ADAD1: variants seen among roughly 807,000 people sequenced by gnomAD.
ADAD1 encodes adenosine deaminase domain containing 1, also known as adenosine deaminase domain-containing protein 1.
Under a neutral mutation model 66.8 loss-of-function variants are expected in ADAD1, and 46 were observed. The ratio of observed to expected loss-of-function variants is 0.69; its 90% CI spans 0.54 to 0.88. ADAD1 has a LOEUF of 0.88. ADAD1 is among the 40% of genes least tolerant of loss of function. ADAD1 has a pLI of 0.00. For synonymous variants in ADAD1, 248 were observed against 229.4 expected (o/e 1.08, Z -0.73); for missense variants, 617 against 681.8 (o/e 0.91, Z 1.06).
chr4:122,379,927 G>A (rs1273828427), intron 2 of ADAD1, 135 bp from the exon 3 acceptor site: 6 of 829,248 alleles, frequency 7.2e-6, no homozygotes, highest in South Asian at 1.8e-5. Flanking sequence ...CAGTTCAAGA[G>A]GGATTTGACT....
intron 5 of ADAD1, among the ~76,000 whole-genome samples, chr4:122,390,656 C>T (rs1440980674): frequency 1.3e-5 from 2 of 152,172 alleles, no homozygotes; most frequent in Non-Finnish European, 2.9e-5. Context: ...GCTGTTGATA[C>T]TTGTGTATGC....
At chr4:122,384,779 A>G (rs1476661105) in intron 5 of ADAD1, among the ~76,000 whole-genome samples, 1 of 152,162 alleles carries the variant, frequency 6.6e-6, no homozygotes, top group African/African-American at 2.4e-5. Flanking sequence ...AGTTTCTAAA[A>G]CATTTATTTT....
chr4:122,408,426 C>A (rs1171083892), intron 8 of ADAD1, among the ~76,000 whole-genome samples: 1 of 152,220 alleles, frequency 6.6e-6, no homozygotes, highest in East Asian at 1.9e-4. Context: ...CAGGCATGCG[C>A]CAACACACCC....
chr4:122,396,215 C>A, intron 6 of ADAD1, 37 bp from the exon 7 acceptor site: 1 of 1,530,516 alleles, frequency 6.5e-7, no homozygotes. Context: ...AGGAGGAGCA[C>A]AATGTTCTTG....
intron 7 of ADAD1, 77 bp downstream of exon 7, chr4:122,396,454 G>C (rs1795720967): frequency 8.2e-7 from 1 of 1,225,906 alleles, no homozygotes; most frequent in Non-Finnish European, 1.1e-6. Flanking sequence ...CTTTGCCCCT[G>C]TACACAATGG....
chr4:122,379,875 A>C (rs865875391), intron 2 of ADAD1, among the ~76,000 whole-genome samples, 187 bp from the exon 3 acceptor site: 11 of 152,196 alleles, frequency 7.2e-5, no homozygotes, highest in Middle Eastern at 3.4e-3. Context: ...TCAGGAGAGA[A>C]GAGGTCCGTG....
chr4:122,418,299 TTA>T (rs1467108571), intron 11 of ADAD1, among the ~76,000 whole-genome samples: 2 of 137,936 alleles, frequency 1.4e-5, no homozygotes, highest in East Asian at 4.3e-4. Flanking sequence ...AATATAAACG[TTA>T]TTTTCTTTTT....
At chr4:122,423,530 A>G (rs1403538721) in intron 12 of ADAD1, among the ~76,000 whole-genome samples, 2 of 152,192 alleles carry the variant, frequency 1.3e-5, no homozygotes, top group Non-Finnish European at 2.9e-5. Flanking sequence ...AAGATGGTAG[A>G]AGTTTTACAA....
intron 7 of ADAD1, among the ~76,000 whole-genome samples, chr4:122,402,559 A>G (rs1452990437): frequency 6.6e-6 from 1 of 152,102 alleles, no homozygotes; most frequent in Non-Finnish European, 1.5e-5. Flanking sequence ...AGGCCTGTGA[A>G]GTTTTCCTAA....
intron 7 of ADAD1, among the ~76,000 whole-genome samples, chr4:122,406,134 A>C (rs1480102902): frequency 6.6e-6 from 1 of 152,124 alleles, no homozygotes; most frequent in African/African-American, 2.4e-5. Flanking sequence ...TTATATTTTT[A>C]TTTTGTTGAG....
rs1309710799 is a variant in ADAD1 at position 122,412,692 on chromosome 4, A to G, written c.1132A>G (p.Asn378Asp). 8 of 1,613,904 alleles carry G rather than the reference A, an allele frequency of 5.0e-6. No individual in the cohort carries two copies. The highest frequency in any genetic ancestry group is 1.7e-5 in the Admixed American group (1 of 60,002). The change falls in exon 10 of 13, where the codon AAT becomes GAT. Residue 378 changes from asparagine (N) to aspartate (D), a missense_variant. Coordinates refer to ENST00000296513, the MANE Select transcript of ADAD1 (RefSeq NM_139243.4). ...LTVYCPKDGV[N>D]RISSMSSSDK... ...TGTTTACTGTCCTAAAGATGGTGTT[A>G]ATAGAATAAGCAGTATGTCCTCAAG...
At chr4:122,386,888 G>A (rs745883475) in intron 5 of ADAD1, among the ~76,000 whole-genome samples, 1 of 152,096 alleles carries the variant, frequency 6.6e-6, no homozygotes, top group African/African-American at 2.4e-5. Flanking sequence ...CTGCTCCAAT[G>A]GTCTACATGT....
chr4:122,428,567 A>G (rs1017046071), intron 12 of ADAD1, among the ~76,000 whole-genome samples: 7 of 152,254 alleles, frequency 4.6e-5, no homozygotes, highest in Admixed American at 1.3e-4. Flanking sequence ...TACCCCTGCA[A>G]TGGAATATTA....
chr4:122,400,151 A>G (rs1161003996), intron 7 of ADAD1, among the ~76,000 whole-genome samples: 4 of 152,066 alleles, frequency 2.6e-5, no homozygotes, highest in Admixed American at 6.5e-5. Context: ...TTAGTCATAG[A>G]TGGCTTTTAT....
At chr4:122,379,471 CG>C (rs777083370) in intron 2 of ADAD1, 26 bp downstream of exon 2, 2 of 152,560 alleles carry the variant, frequency 1.3e-5, no homozygotes, top group Admixed American at 6.5e-5. Context: ...AAGCAGGGCG[CG>C]GGGGCGCAAG....
At chr4:122,393,567 T>C in intron 5 of ADAD1, 22 bp from the exon 6 acceptor site, 1 of 1,562,158 alleles carries the variant, frequency 6.4e-7, no homozygotes, top group Non-Finnish European at 8.7e-7. Flanking sequence ...CATGTTTCCT[T>C]ATGTTTTTGT....
intron 7 of ADAD1, among the ~76,000 whole-genome samples, chr4:122,403,444 A>G (rs1320171188): frequency 2.0e-5 from 3 of 152,152 alleles, no homozygotes; most frequent in African/African-American, 7.2e-5. Context: ...AGTTTTGTTT[A>G]GTGTGCTGGT....
At chr4:122,393,352 A>C (rs1045184453) in intron 5 of ADAD1, among the ~76,000 whole-genome samples, 4 of 152,116 alleles carry the variant, frequency 2.6e-5, no homozygotes, top group Non-Finnish European at 5.9e-5. Flanking sequence ...CATCTATTAT[A>C]AAGCAAGCAA....
At chr4:122,421,964 A>T (rs1270146104) in intron 12 of ADAD1, among the ~76,000 whole-genome samples, 1 of 152,094 alleles carries the variant, frequency 6.6e-6, no homozygotes, top group Non-Finnish European at 1.5e-5. Flanking sequence ...TCCACTTACT[A>T]TTCAAAGTTA....
Sources: allele counts gnomAD v4.1 joint callset (sites outside exome capture counted in the v4.1 genomes callset), GRCh38; gene constraint gnomAD v4.1.1; transcripts MANE v1.5; gene names NCBI Gene and HGNC (gene_info 2026-07-23, HGNC 2026-07-21).